The following PRIM2 variants were observed in gnomAD, a reference collection of about 807,000 sequenced individuals.
PRIM2 encodes the protein DNA primase subunit 2.
A neutral mutation model predicts 67.3 loss-of-function variants in PRIM2; 39 were observed. The ratio of observed to expected loss-of-function variants is 0.58; its 90% CI spans 0.45 to 0.76. The LOEUF is 0.76. Among genes scored for constraint, PRIM2 ranks in the 30% least tolerant of loss-of-function variants. The probability of loss-of-function intolerance (pLI) is 0.00; values close to 1 mark genes in which losing one functional copy is unlikely to be tolerated. For missense variants in PRIM2, 398 were observed against 598.7 expected, an observed-to-expected ratio of 0.66 and a Z score of 3.50; for synonymous variants, 143 against 198.7, an observed-to-expected ratio of 0.72 and a Z score of 2.36.
intron 7 of PRIM2, among the ~76,000 whole-genome samples, chr6:57,423,613 C>T (rs1266261116): frequency 6.6e-6 from 1 of 152,088 alleles, no homozygotes; most frequent in East Asian, 1.9e-4. Flanking sequence ...TGTTAAAGAT[C>T]GGAGACTAAG....
chr6:57,466,912 A>G (rs1328926730), intron 7 of PRIM2, among the ~76,000 whole-genome samples: 144,117 of 152,140 alleles, frequency 0.95, 68,340 homozygotes, highest in East Asian at 1. Flanking sequence ...CTCAGGTCGG[A>G]AGTTAAGAGA....
At chr6:57,230,497 T>A in the PRIM2 span, among the ~76,000 whole-genome samples, 1 of 152,218 alleles carries the variant, frequency 6.6e-6, no homozygotes, top group Non-Finnish European at 1.5e-5. Context: ...TATCTACGCT[T>A]ATCAAGGCTG....
the PRIM2 span, among the ~76,000 whole-genome samples, chr6:57,264,542 C>T: frequency 2.2e-4 from 34 of 151,964 alleles, no homozygotes; most frequent in East Asian, 6.4e-3. Context: ...CAGTTGCAAC[C>T]CCTCTAATAC....
upstream of PRIM2, among the ~76,000 whole-genome samples, chr6:57,317,432 T>C (rs927189605): frequency 3.3e-5 from 5 of 152,110 alleles, no homozygotes; most frequent in Non-Finnish European, 7.3e-5. Flanking sequence ...AGGAAATGCA[T>C]CTTAAAATTT....
chr6:57,337,300 A>G (rs913717418), intron 5 of PRIM2, among the ~76,000 whole-genome samples: 10 of 152,296 alleles, frequency 6.6e-5, no homozygotes, highest in Non-Finnish European at 8.8e-5. Context: ...AGACAGATCA[A>G]CAAGACAGAA....
At chr6:57,595,540 G>C (rs1286037221) in intron 10 of PRIM2, among the ~76,000 whole-genome samples, 1 of 152,130 alleles carries the variant, frequency 6.6e-6, no homozygotes, top group African/African-American at 2.4e-5. Flanking sequence ...CAAGCAGTAG[G>C]TTCCCAGGTC....
chr6:57,422,299 A>G (rs1262453903), intron 7 of PRIM2, among the ~76,000 whole-genome samples: 5 of 151,188 alleles, frequency 3.3e-5, no homozygotes, highest in African/African-American at 1.2e-4. Context: ...GATTACAGGC[A>G]CCCACTTTTT....
chr6:57,226,772 C>G, the PRIM2 span, among the ~76,000 whole-genome samples: 1 of 152,134 alleles, frequency 6.6e-6, no homozygotes, highest in East Asian at 1.9e-4. Context: ...AGGGGTGATA[C>G]AGAAAAGTGC....
In PRIM2 at chr6:57,606,432, A is replaced by G. The variant is rs1279975062; in HGVS notation, c.1205A>G (p.Lys402Arg). The G allele has an allele frequency of 3.1e-6, 5 of 1,596,336 alleles. No homozygotes were observed. The highest frequency in any genetic ancestry group is 4.3e-6 in the Non-Finnish European group (5 of 1,169,294). Reference sequence around the variant, plus strand: ...CTGAAGCAAAAGTTGCAGTCATACAAGATCTCTCCTGGAGGGATAAGCCAG... The same window carrying G: ...CTGAAGCAAAAGTTGCAGTCATACAGGATCTCTCCTGGAGGGATAAGCCAG... Reference protein sequence around the residue: ...ELLKQKLQSYKISPGGISQIL... With the variant: ...ELLKQKLQSYRISPGGISQIL... The change falls in exon 12 of 14, where the codon AAG becomes AGG. Residue 402 changes from lysine to arginine, a missense_variant. By Grantham distance (26) the Lys-to-Arg change is conservative (BLOSUM62 2). This residue lies in a region of PRIM2 where 229 missense variants were observed against 383.6 expected (regional missense o/e 0.60). Coordinates refer to ENST00000615550, the MANE Select transcript of PRIM2 (RefSeq NM_000947.5).
chr6:57,578,912 G>A (rs1423009668), intron 10 of PRIM2, among the ~76,000 whole-genome samples: 1 of 151,496 alleles, frequency 6.6e-6, no homozygotes, highest in African/African-American at 2.4e-5. Flanking sequence ...TCCTGACCTC[G>A]TGATCCGCCC....
intron 7 of PRIM2, among the ~76,000 whole-genome samples, chr6:57,387,365 C>T (rs1015269520): frequency 6.6e-6 from 1 of 151,858 alleles, no homozygotes; most frequent in Non-Finnish European, 1.5e-5. Context: ...ACTGTTAATC[C>T]CACTATAAGT....
At chr6:57,396,471 C>T (rs1770518640) in intron 7 of PRIM2, among the ~76,000 whole-genome samples, 3 of 152,082 alleles carry the variant, frequency 2.0e-5, no homozygotes, top group African/African-American at 4.8e-5. Flanking sequence ...GAATAGCTAC[C>T]CCTGCTCACT....
At chr6:57,241,818 G>T in the PRIM2 span, among the ~76,000 whole-genome samples, 32 of 150,788 alleles carry the variant, frequency 2.1e-4, no homozygotes, top group African/African-American at 7.5e-4. Flanking sequence ...GACTACAGGC[G>T]CCCGCCACCA....
upstream of PRIM2, among the ~76,000 whole-genome samples, chr6:57,310,726 G>A (rs1283321728): frequency 6.1e-5 from 9 of 146,638 alleles, no homozygotes; most frequent in African/African-American, 2.3e-4. Flanking sequence ...CCGGGCAGAG[G>A]CGCCCACTTC....
the PRIM2 span, among the ~76,000 whole-genome samples, chr6:57,248,856 A>G: frequency 6.6e-6 from 1 of 152,250 alleles, no homozygotes; most frequent in Non-Finnish European, 1.5e-5. Flanking sequence ...GCAGTTTGAG[A>G]TAAAATGCAA....
At chr6:57,495,921 A>AT (rs1773994717) in intron 7 of PRIM2, among the ~76,000 whole-genome samples, 1 of 150,814 alleles carries the variant, frequency 6.6e-6, no homozygotes, top group Non-Finnish European at 1.5e-5. Context: ...TTTTTTTTTT[A>AT]TTTTTAGTGG....
At chr6:57,352,556 T>G (rs1445493478) in intron 5 of PRIM2, among the ~76,000 whole-genome samples, 1 of 152,174 alleles carries the variant, frequency 6.6e-6, no homozygotes, top group Non-Finnish European at 1.5e-5. Flanking sequence ...GTGCCCACTT[T>G]TCTTGACATC....
intron 7 of PRIM2, among the ~76,000 whole-genome samples, chr6:57,484,375 T>C (rs1483330726): frequency 3.9e-5 from 6 of 152,310 alleles, no homozygotes; most frequent in Non-Finnish European, 8.8e-5. Flanking sequence ...GTCGTCGCTT[T>C]CTTTTTTCTT....
chr6:57,437,742 T>C (rs909223855), intron 7 of PRIM2, among the ~76,000 whole-genome samples: 1 of 150,630 alleles, frequency 6.6e-6, no homozygotes, highest in African/African-American at 2.4e-5. Context: ...CTTGGCTCAC[T>C]GCAGCCTCGA....
Sources: allele counts gnomAD v4.1 joint callset (sites outside exome capture counted in the v4.1 genomes callset), GRCh38; gene constraint gnomAD v4.1.1; regional missense constraint gnomAD v4.1.1; transcripts MANE v1.5; gene names NCBI Gene and HGNC (gene_info 2026-07-23, HGNC 2026-07-21).